Variants in HMCN1 observed in about 807,000 individuals in gnomAD.
The protein encoded by HMCN1 is hemicentin 1, also known as hemicentin-1.
A neutral mutation model predicts 625.9 loss-of-function variants in HMCN1; 321 were observed. The ratio of observed to expected loss-of-function variants is 0.51; its 90% CI spans 0.47 to 0.56. The LOEUF is 0.56. Among genes scored for constraint, HMCN1 ranks in the 20% least tolerant of loss-of-function variants. The pLI, the probability that HMCN1 is intolerant of heterozygous loss-of-function variation, is 0.00. For missense variants in HMCN1, 6,588 were observed against 6,887.3 expected, an observed-to-expected ratio of 0.96 and a Z score of 1.54; for synonymous variants, 2,425 against 2,417.6, an observed-to-expected ratio of 1.00 and a Z score of -0.09.
intron 2 of HMCN1, among the ~76,000 whole-genome samples, chr1:185,851,730 T>A (rs1242311659): frequency 1.3e-5 from 2 of 152,078 alleles, no homozygotes; most frequent in Admixed American, 1.3e-4. Context: ...GGCAGTGATA[T>A]GCTTTCAAGC....
chr1:185,863,573 T>C (rs983938915), intron 2 of HMCN1, among the ~76,000 whole-genome samples: 1 of 152,176 alleles, frequency 6.6e-6, no homozygotes, highest in African/African-American at 2.4e-5. Context: ...GCTGATGACA[T>C]GGAAACAAAC....
At position 186,117,165 on chromosome 1, in the gene HMCN1, G is replaced by A. The variant is rs374110053; in HGVS notation, c.11683+50G>A. 169 of 1,605,598 alleles carry A rather than the reference G, an allele frequency of 1.1e-4. 1 individual carries two copies. The highest frequency in any genetic ancestry group is 5.3e-4 in the South Asian group (48 of 90,706). ...TGAAACATGATAATGCTATCACTTC[G>A]TTATTCTACTACTTTACAAAAGGGA... On this transcript the variant is annotated intron_variant, in intron 76 of 106. Transcript: ENST00000271588.
chr1:185,777,568 C>T (rs1557959662), intron 1 of HMCN1, among the ~76,000 whole-genome samples: 1 of 152,122 alleles, frequency 6.6e-6, no homozygotes, highest in Non-Finnish European at 1.5e-5. Context: ...TCTCCTGCCT[C>T]AACCTCCTGA....
chr1:185,950,679 T>C (rs1308323961), intron 11 of HMCN1, among the ~76,000 whole-genome samples: 11 of 150,894 alleles, frequency 7.3e-5, no homozygotes, highest in African/African-American at 2.2e-4. Flanking sequence ...CAGTACAGCC[T>C]AGGTAATTTG....
chr1:185,757,546 C>A (rs1655211552), intron 1 of HMCN1, among the ~76,000 whole-genome samples: 1 of 152,104 alleles, frequency 6.6e-6, no homozygotes, highest in Admixed American at 6.6e-5. Flanking sequence ...CCTCCTGCTG[C>A]CCCTAATTGT....
chr1:186,025,253 G>T (rs1372314848), intron 36 of HMCN1, among the ~76,000 whole-genome samples: 1 of 152,076 alleles, frequency 6.6e-6, no homozygotes, highest in Admixed American at 6.5e-5. Flanking sequence ...CTGCTGTGTG[G>T]CCCAGTTCCT....
Position 186,119,279 on chromosome 1 carries a change from C to T in HMCN1, c.11937C>T (p.His3979=), listed in dbSNP as rs573858446. 9 of 1,613,272 alleles carry T rather than the reference C, an allele frequency of 5.6e-6. No individual in the cohort carries two copies. The highest frequency in any genetic ancestry group is 5.3e-5 in the African/African-American group (4 of 75,000). ...ARNAAGSAHR[H]VTLHVHEPPV... is the part of the protein sequence containing the mutation. The stretch of plus-strand genomic sequence containing the variant: ...ATGCGGCTGGCTCTGCACATCGACA[C>T]GTGACCCTTCATGTTCATGGTATGG... Residue 3979 remains histidine (H), a synonymous_variant, in exon 78 of 107, where the codon CAC becomes CAT. Transcript: ENST00000271588.
chr1:185,747,128 T>A (rs1654463048), intron 1 of HMCN1, among the ~76,000 whole-genome samples: 1 of 152,126 alleles, frequency 6.6e-6, no homozygotes, highest in African/African-American at 2.4e-5. Context: ...ACTCTAACTC[T>A]TTTACTAGGG....
chr1:186,063,722 G>A (rs995591375), intron 48 of HMCN1, among the ~76,000 whole-genome samples: 1 of 151,890 alleles, frequency 6.6e-6, no homozygotes, highest in Non-Finnish European at 1.5e-5. Flanking sequence ...TTTTGTAGTG[G>A]GGATTTTCCA....
intron 102 of HMCN1, among the ~76,000 whole-genome samples, chr1:186,172,819 A>C (rs1469354294): frequency 1.3e-5 from 2 of 152,220 alleles, no homozygotes; most frequent in African/African-American, 2.4e-5. Flanking sequence ...CCCTCCCCCC[A>C]AAAAAGCAAA....
chr1:186,012,881 T>TA (rs756982239), intron 30 of HMCN1, among the ~76,000 whole-genome samples: 3 of 152,186 alleles, frequency 2.0e-5, no homozygotes, highest in Non-Finnish European at 4.4e-5. Flanking sequence ...GGTATAGTGT[T>TA]ACAAAATAAA....
chr1:185,875,508 G>T (rs187935643), intron 4 of HMCN1, among the ~76,000 whole-genome samples: 1 of 152,030 alleles, frequency 6.6e-6, no homozygotes, highest in Admixed American at 6.6e-5. Flanking sequence ...TCTTCCTTAA[G>T]TACAGGCCTT....
chr1:186,163,956 C>T (rs1651696365), intron 97 of HMCN1, among the ~76,000 whole-genome samples: 1 of 152,182 alleles, frequency 6.6e-6, no homozygotes, highest in Admixed American at 6.5e-5. Flanking sequence ...ACTATGTTTA[C>T]ATGACATATT....
At chr1:185,789,462 T>C (rs1017146468) in intron 1 of HMCN1, among the ~76,000 whole-genome samples, 7 of 152,250 alleles carry the variant, frequency 4.6e-5, no homozygotes, top group Admixed American at 1.3e-4. Context: ...TAATGAAGAA[T>C]GTTTGATTAT....
chr1:185,972,402 C>CAAATG (rs1650895241), intron 15 of HMCN1, among the ~76,000 whole-genome samples: 2 of 152,174 alleles, frequency 1.3e-5, no homozygotes, highest in Non-Finnish European at 2.9e-5. Flanking sequence ...GTTGGGGTGA[C>CAAATG]TTACATTGGA....
Position 186,136,664 on chromosome 1 carries a change from G to A in HMCN1, c.13313-4G>A, listed in dbSNP as rs41317497. The A allele has an allele frequency of 0.014, 22,760 of 1,612,648 alleles. 202 individuals carry two copies. Among genetic ancestry groups the A allele is most frequent in the Non-Finnish European group, 0.017 (19,641 of 1,179,306 alleles). On this transcript the variant is annotated splice_region_variant and splice_polypyrimidine_tract_variant and intron_variant, in intron 86 of 106. Transcript: ENST00000271588. ...ACTGAGACACTATGTGCTTTTTTCC[G>A]TAGGTCCTCCTATTATCACTCTTGA...
chr1:185,919,993 T>C (rs1168310728), intron 6 of HMCN1, among the ~76,000 whole-genome samples: 1 of 152,218 alleles, frequency 6.6e-6, no homozygotes, highest in Non-Finnish European at 1.5e-5. Flanking sequence ...ATTACACTAA[T>C]ATTTTTTAAA....
At position 186,037,622 on chromosome 1, in the gene HMCN1, C is replaced by T. The variant is rs999963070; in HGVS notation, c.5750-312C>T. 2.0e-5 allele frequency among the ~76,000 whole-genome samples: 3 copies of T among 152,118 alleles called. No homozygotes were observed. The East Asian group carries it at 5.8e-4, about 29-fold the overall frequency. ...AATTACTTCTTGGTAAAGATAATTA[C>T]TTACCAAATCAATCAGATTAAGTAA... On this transcript the variant is annotated intron_variant, in intron 36 of 106. Coordinates refer to ENST00000271588, the MANE Select transcript of HMCN1 (RefSeq NM_031935.3).
At chr1:186,030,253 G>A (rs1053031711) in intron 36 of HMCN1, among the ~76,000 whole-genome samples, 3 of 152,008 alleles carry the variant, frequency 2.0e-5, no homozygotes, top group Non-Finnish European at 2.9e-5. Flanking sequence ...TTGATTTTCT[G>A]TGTAGTTGTA....
Sources: allele counts gnomAD v4.1 joint callset (sites outside exome capture counted in the v4.1 genomes callset), GRCh38; gene constraint gnomAD v4.1.1; transcripts MANE v1.5; gene names NCBI Gene and HGNC (gene_info 2026-07-23, HGNC 2026-07-21).